The following SYT1 variants were observed in gnomAD, a reference collection of about 807,000 sequenced individuals.
The protein encoded by SYT1 is synaptotagmin-1.
In SYT1, 8 loss-of-function variants were observed where a neutral mutation model predicts 44.8. That is an observed-to-expected ratio of 0.18 (90% CI 0.10 to 0.32). The LOEUF (loss-of-function observed/expected upper bound fraction) is 0.32. Among genes scored for constraint, SYT1 ranks in the 10% least tolerant of loss-of-function variants. The pLI, the probability that SYT1 is intolerant of heterozygous loss-of-function variation, is 1.00. For synonymous variants in SYT1, 154 were observed against 188.8 expected, an observed-to-expected ratio of 0.82 and a Z score of 1.51; for missense variants, 286 against 509.3, an observed-to-expected ratio of 0.56 and a Z score of 4.22.
chr12:79,363,484 G>T (rs1229506024), intron 9 of SYT1, among the ~76,000 whole-genome samples: 1 of 151,832 alleles, frequency 6.6e-6, no homozygotes, highest in Non-Finnish European at 1.5e-5. Context: ...CAGTACTTGG[G>T]CAGGCCAAGG....
At chr12:79,168,575 G>C (rs1565835829) in intron 3 of SYT1, among the ~76,000 whole-genome samples, 2 of 151,986 alleles carry the variant, frequency 1.3e-5, no homozygotes, top group Non-Finnish European at 2.9e-5. Flanking sequence ...TAGTCACTGG[G>C]AAGACAAAGG....
intron 3 of SYT1, among the ~76,000 whole-genome samples, chr12:79,185,860 TC>T (rs1424453050): frequency 3.2e-4 from 38 of 118,248 alleles, no homozygotes; most frequent in African/African-American, 1.2e-3. Flanking sequence ...TGAGAGATAC[TC>T]TCCATTTTTT....
At chr12:78,955,817 T>TGTGTGTGTGTGTGTGTGC (rs1879183831) in intron 1 of SYT1, among the ~76,000 whole-genome samples, 1 of 151,260 alleles carries the variant, frequency 6.6e-6, no homozygotes, top group Non-Finnish European at 1.5e-5. Flanking sequence ...TGTGTGTGTG[T>TGTGTGTGTGTGTGTGTGC]GTGTGTGTGT....
intron 4 of SYT1, among the ~76,000 whole-genome samples, chr12:79,243,990 T>C (rs1469748851): frequency 6.6e-6 from 1 of 152,204 alleles, no homozygotes; most frequent in Non-Finnish European, 1.5e-5. Context: ...ATGAAAAGCA[T>C]AATCCTGTAT....
At chr12:79,196,644 C>T (rs1873481080) in intron 3 of SYT1, among the ~76,000 whole-genome samples, 1 of 152,154 alleles carries the variant, frequency 6.6e-6, no homozygotes, top group African/African-American at 2.4e-5. Context: ...TTTTCCCTTT[C>T]AACACAACGG....
intron 2 of SYT1, among the ~76,000 whole-genome samples, chr12:78,995,091 AG>A (rs1392145479): frequency 6.6e-6 from 1 of 152,118 alleles, no homozygotes; most frequent in Non-Finnish European, 1.5e-5. Flanking sequence ...TTCACTCCCA[AG>A]ATTCTGATTA....
At chr12:79,221,916 G>A (rs1823753339) in intron 4 of SYT1, among the ~76,000 whole-genome samples, 1 of 151,970 alleles carries the variant, frequency 6.6e-6, no homozygotes, top group African/African-American at 2.4e-5. Flanking sequence ...AAATGTTTTT[G>A]TGTTAATCAT....
intron 3 of SYT1, among the ~76,000 whole-genome samples, chr12:79,125,156 G>T (rs1868362711): frequency 6.6e-6 from 1 of 152,114 alleles, no homozygotes; most frequent in Non-Finnish European, 1.5e-5. Context: ...GGGCTCAGCA[G>T]ATTGCTTTAT....
intron 3 of SYT1, among the ~76,000 whole-genome samples, chr12:79,162,802 AT>A (rs1592806906): frequency 1.3e-5 from 2 of 152,136 alleles, no homozygotes; most frequent in East Asian, 1.9e-4. Flanking sequence ...TTCTCTATTA[AT>A]TTTTTATGGT....
At chr12:79,408,206 C>A (rs1250191359) in intron 9 of SYT1, among the ~76,000 whole-genome samples, 1 of 152,108 alleles carries the variant, frequency 6.6e-6, no homozygotes. Context: ...ATTGTCGATT[C>A]TGGACTGCAG....
chr12:78,938,971 A>C (rs1245384512), intron 1 of SYT1, among the ~76,000 whole-genome samples: 2 of 152,192 alleles, frequency 1.3e-5, no homozygotes, highest in East Asian at 3.8e-4. Flanking sequence ...GATTTATGGA[A>C]TGAGTGTCTT....
chr12:79,349,749 A>G (rs1230909587), intron 8 of SYT1, among the ~76,000 whole-genome samples: 1 of 152,184 alleles, frequency 6.6e-6, no homozygotes, highest in Non-Finnish European at 1.5e-5. Flanking sequence ...TTTTTAATTT[A>G]GAAAATCTTG....
chr12:78,938,902 C>G (rs545079209), intron 1 of SYT1, among the ~76,000 whole-genome samples: 39 of 152,282 alleles, frequency 2.6e-4, no homozygotes, highest in African/African-American at 9.4e-4. Context: ...AGACACTCTG[C>G]TTAAGAATCA....
chr12:79,212,591 G>T (rs1226959937), intron 3 of SYT1, among the ~76,000 whole-genome samples: 1 of 149,708 alleles, frequency 6.7e-6, no homozygotes, highest in South Asian at 2.1e-4. Flanking sequence ...TAATTTAATT[G>T]TCTATTCAAT....
chr12:79,276,665 A>G (rs568646980), intron 4 of SYT1, among the ~76,000 whole-genome samples: 7 of 147,438 alleles, frequency 4.7e-5, no homozygotes, highest in African/African-American at 1.8e-4. Flanking sequence ...ACAGAGCAAG[A>G]CTCCATCAAA....
chr12:79,411,639 TTAC>T (rs1868436940), intron 9 of SYT1, among the ~76,000 whole-genome samples: 1 of 152,156 alleles, frequency 6.6e-6, no homozygotes, highest in Non-Finnish European at 1.5e-5. Flanking sequence ...ATATATGTGT[TTAC>T]ATAGAAATAT....
chr12:78,947,610 G>A (rs1213875674), intron 1 of SYT1, among the ~76,000 whole-genome samples: 1 of 151,926 alleles, frequency 6.6e-6, no homozygotes, highest in Non-Finnish European at 1.5e-5. Flanking sequence ...TCCCCAGGCT[G>A]TTCATATTCT....
At chr12:78,899,399 T>A (rs1352607657) in intron 1 of SYT1, among the ~76,000 whole-genome samples, 1 of 151,860 alleles carries the variant, frequency 6.6e-6, no homozygotes, top group African/African-American at 2.4e-5. Flanking sequence ...CTGGAAAAAA[T>A]TTTCATTTCA....
At chr12:79,074,357 G>A (rs540944661) in intron 3 of SYT1, among the ~76,000 whole-genome samples, 2 of 152,204 alleles carry the variant, frequency 1.3e-5, no homozygotes, top group South Asian at 2.1e-4. Flanking sequence ...TAAATGAGAG[G>A]TTTAAAAGGC....
Sources: gnomAD v4.1 joint callset for allele counts (sites outside exome capture counted in the v4.1 genomes callset) on GRCh38, gnomAD v4.1.1 for gene constraint, MANE v1.5 for transcripts, NCBI Gene and HGNC (gene_info 2026-07-23, HGNC 2026-07-21) for gene names.